The following TP63 variants were observed in gnomAD, a reference collection of about 807,000 sequenced individuals.
The protein encoded by TP63 is tumor protein 63.
TP63 carries 17 observed loss-of-function variants against 82.8 expected under a neutral mutation model. The ratio of observed to expected loss-of-function variants is 0.21; its 90% CI spans 0.14 to 0.31. The LOEUF (loss-of-function observed/expected upper bound fraction) is 0.31, where lower values mean the gene tolerates loss of function less well. Among genes scored for constraint, TP63 ranks in the 10% least tolerant of loss-of-function variants. The probability of loss-of-function intolerance (pLI) is 1.00; values close to 1 mark genes in which losing one functional copy is unlikely to be tolerated. For synonymous variants in TP63, 330 were observed against 321.7 expected, an observed-to-expected ratio of 1.03 and a Z score of -0.28; for missense variants, 648 against 895.3, an observed-to-expected ratio of 0.72 and a Z score of 3.52.
At chr3:189,789,729 C>CTG in intron 3 of TP63, 1 of 1,482,486 alleles carries the variant, frequency 6.7e-7, no homozygotes, top group Non-Finnish European at 9.1e-7. Context: ...GTAAGGGTCT[C>CTG]GGGGTGGGGG....
At chr3:189,827,380 G>A (rs552904017) in intron 4 of TP63, among the ~76,000 whole-genome samples, 3 of 151,744 alleles carry the variant, frequency 2.0e-5, no homozygotes, top group East Asian at 3.9e-4. Flanking sequence ...TTACAGACAC[G>A]TACTCAGGAG....
intron 4 of TP63, among the ~76,000 whole-genome samples, chr3:189,839,423 A>G (rs1418777133): frequency 1.3e-5 from 2 of 152,156 alleles, no homozygotes; most frequent in Non-Finnish European, 2.9e-5. Flanking sequence ...CCTATAAAAT[A>G]TTATAGGAAC....
upstream of TP63, among the ~76,000 whole-genome samples, chr3:189,629,189 G>A (rs1051451650): frequency 1.3e-5 from 2 of 151,956 alleles, no homozygotes; most frequent in Admixed American, 1.3e-4. Context: ...ACCAGTCAGG[G>A]CAACACAGCA....
Position 189,867,862 on chromosome 3 carries a change from C to T in TP63, c.912C>T (p.Tyr304=), listed in dbSNP as rs34119860. 5.6e-6 allele frequency: 9 copies of T among 1,613,958 alleles called. No individual in the cohort carries two copies. In the African/African-American group the frequency reaches 1.1e-4, roughly 19 times the overall value. The change falls in exon 7 of 14, where the codon TAC becomes TAT. Residue 304 remains tyrosine, a synonymous_variant. Transcript: ENST00000264731. The part of the protein sequence containing the change: ...QVGTEFTTVL[Y]NFMCNSSCVG... ...GCACTGAATTCACGACAGTCTTGTA[C>T]AATTTCATGTGTAACAGCAGTTGTG...
chr3:189,889,911 G>A (rs998717612), intron 12 of TP63, among the ~76,000 whole-genome samples: 2 of 152,122 alleles, frequency 1.3e-5, no homozygotes, highest in Non-Finnish European at 2.9e-5. Flanking sequence ...GGAGTTGGAT[G>A]TCCATAAAAA....
At chr3:189,821,112 A>T (rs1728751895) in intron 4 of TP63, among the ~76,000 whole-genome samples, 1 of 152,230 alleles carries the variant, frequency 6.6e-6, no homozygotes, top group African/African-American at 2.4e-5. Context: ...TAGTGAAAAG[A>T]ACAAAAAAAA....
intron 4 of TP63, among the ~76,000 whole-genome samples, chr3:189,844,630 A>G (rs1208251151): frequency 1.3e-5 from 2 of 152,180 alleles, no homozygotes; most frequent in East Asian, 3.8e-4. Flanking sequence ...CTTTCTCGAT[A>G]TGAAATTTAA....
intron 1 of TP63, among the ~76,000 whole-genome samples, chr3:189,666,172 A>G (rs1047122835): frequency 4.6e-5 from 7 of 152,054 alleles, no homozygotes; most frequent in Non-Finnish European, 8.8e-5. Context: ...CACATTTCCA[A>G]TTATAAACTA....
At chr3:189,682,546 A>G (rs1479409665) in intron 1 of TP63, among the ~76,000 whole-genome samples, 3 of 37,790 alleles carry the variant, frequency 7.9e-5, no homozygotes, top group African/African-American at 1.7e-4. Flanking sequence ...GAAAAAAAAA[A>G]AAAAAAAATA....
At chr3:189,723,735 A>G (rs531442669) in intron 1 of TP63, among the ~76,000 whole-genome samples, 1 of 152,362 alleles carries the variant, frequency 6.6e-6, no homozygotes, top group East Asian at 1.9e-4. Context: ...TAGTAAAAAC[A>G]AAACTTATCT....
At chr3:189,673,952 T>C (rs1393825251) in intron 1 of TP63, among the ~76,000 whole-genome samples, 1 of 152,118 alleles carries the variant, frequency 6.6e-6, no homozygotes, top group Non-Finnish European at 1.5e-5. Flanking sequence ...CGTTATAAAG[T>C]GAGATACTTA....
chr3:189,814,901 T>A (rs1461415066), intron 4 of TP63, among the ~76,000 whole-genome samples: 1 of 152,244 alleles, frequency 6.6e-6, no homozygotes, highest in Non-Finnish European at 1.5e-5. Context: ...AGTGTCTATT[T>A]AACATTAAAC....
intron 9 of TP63, among the ~76,000 whole-genome samples, chr3:189,871,800 C>A (rs1401951887): frequency 6.6e-6 from 1 of 152,172 alleles, no homozygotes; most frequent in Non-Finnish European, 1.5e-5. Flanking sequence ...TGGTTCACTG[C>A]AGCCTCAGAC....
chr3:189,890,451 A>G (rs1399063825), intron 12 of TP63, among the ~76,000 whole-genome samples: 1 of 152,212 alleles, frequency 6.6e-6, no homozygotes, highest in Non-Finnish European at 1.5e-5. Flanking sequence ...CCAAGCAGCA[A>G]GAAAGCTAGG....
chr3:189,732,561 T>G (rs1431446304), intron 1 of TP63, among the ~76,000 whole-genome samples: 2 of 152,228 alleles, frequency 1.3e-5, no homozygotes. Flanking sequence ...GTAGAACCAA[T>G]GCATTGACTA....
At chr3:189,839,935 A>T (rs1713734834) in intron 4 of TP63, among the ~76,000 whole-genome samples, 1 of 152,212 alleles carries the variant, frequency 6.6e-6, no homozygotes, top group Non-Finnish European at 1.5e-5. Context: ...CTGGCTTAGT[A>T]GCTGTGAAAG....
intron 10 of TP63, among the ~76,000 whole-genome samples, chr3:189,882,834 T>G (rs928102953): frequency 1.3e-5 from 2 of 152,212 alleles, no homozygotes; most frequent in African/African-American, 4.8e-5. Flanking sequence ...TCGGAAACTG[T>G]GCAGAAGCTT....
At chr3:189,640,623 A>G (rs1215935758) in intron 1 of TP63, among the ~76,000 whole-genome samples, 2 of 152,150 alleles carry the variant, frequency 1.3e-5, no homozygotes, top group Admixed American at 6.6e-5. Context: ...ATGATATGCA[A>G]GGTGCCAGCC....
chr3:189,851,691 G>A (rs79866643), intron 4 of TP63, among the ~76,000 whole-genome samples: 2,931 of 152,262 alleles, frequency 0.019, 94 homozygotes, highest in African/African-American at 0.067. Context: ...TGCTAGCTTG[G>A]TGCCTCATCT....
Sources: allele counts gnomAD v4.1 joint callset (sites outside exome capture counted in the v4.1 genomes callset), GRCh38; gene constraint gnomAD v4.1.1; transcripts MANE v1.5; gene names NCBI Gene and HGNC (gene_info 2026-07-23, HGNC 2026-07-21).